BLNK: variants seen among roughly 807,000 people sequenced by gnomAD.
The protein encoded by BLNK is B cell linker, also known as B-cell linker protein.
A neutral mutation model predicts 73.5 loss-of-function variants in BLNK; 29 were observed. That is an observed-to-expected ratio of 0.39 (90% CI 0.29 to 0.54). The LOEUF (loss-of-function observed/expected upper bound fraction) is 0.54. BLNK is among the 20% of genes least tolerant of loss of function. The pLI, the probability that BLNK is intolerant of heterozygous loss-of-function variation, is 0.61. For synonymous variants in BLNK, 176 were observed against 200.8 expected, an observed-to-expected ratio of 0.88 and a Z score of 1.04; for missense variants, 460 against 562.8, an observed-to-expected ratio of 0.82 and a Z score of 1.85.
At chr10:96,216,774 A>C in intron 6 of BLNK, 40 bp from the exon 7 acceptor site, 1 of 1,554,708 alleles carries the variant, frequency 6.4e-7, no homozygotes, top group Admixed American at 1.7e-5. Context: ...AATGCTGTAC[A>C]TTCATAGTTG....
chr10:96,241,558 C>T (rs1842878904), intron 3 of BLNK, among the ~76,000 whole-genome samples: 1 of 152,028 alleles, frequency 6.6e-6, no homozygotes, highest in African/African-American at 2.4e-5. Flanking sequence ...TTTATTACCC[C>T]CACCCCTTCA....
intron 3 of BLNK, chr10:96,238,773 A>C (rs1842786378): frequency 5.3e-6 from 1 of 187,350 alleles, no homozygotes; most frequent in Non-Finnish European, 1.1e-5. Flanking sequence ...TCATCTGGCA[A>C]AGCAATAAGA....
chr10:96,189,584 T>C lies in BLNK; in HGVS notation c.*2389A>G. 1 of 684,030 alleles carries C rather than the reference T, an allele frequency of 1.5e-6. No homozygotes were observed. Among genetic ancestry groups the C allele is most frequent in the Non-Finnish European group, 2.7e-6 (1 of 367,500 alleles). The allele number at this position is 684,030 out of a possible 1,614,324, so 42.4% of individuals were successfully genotyped here. A position where few individuals can be genotyped will look rare whatever the true frequency, so the allele number is the denominator to read the frequency against. On this transcript the variant is annotated 3_prime_UTR_variant, in exon 17 of 17. Transcript: ENST00000224337. ...TGAAGGATTCTTGTCCTTTTAATCT[T>C]GGTGTTGATGATGGGTTTGAGTGTT...
chr10:96,265,923 C>G (rs1843976862), intron 1 of BLNK, among the ~76,000 whole-genome samples: 1 of 152,154 alleles, frequency 6.6e-6, no homozygotes, highest in Non-Finnish European at 1.5e-5. Context: ...CCAGTTGTGA[C>G]AACCAAATGT....
chr10:96,210,573 C>T (rs2083922960), intron 8 of BLNK, among the ~76,000 whole-genome samples: 1 of 152,210 alleles, frequency 6.6e-6, no homozygotes, highest in Admixed American at 6.5e-5. Context: ...CTGCACCCAA[C>T]CTCCCTTCCT....
chr10:96,198,924 C>A (rs1355020844), intron 15 of BLNK, among the ~76,000 whole-genome samples: 3 of 152,196 alleles, frequency 2.0e-5, no homozygotes, highest in Non-Finnish European at 2.9e-5. Flanking sequence ...GTCTCAAACT[C>A]CTGACCTCAA....
At chr10:96,266,682 G>T (rs1448416979) in intron 1 of BLNK, among the ~76,000 whole-genome samples, 1 of 152,204 alleles carries the variant, frequency 6.6e-6, no homozygotes, top group African/African-American at 2.4e-5. Flanking sequence ...GAGGGGATGG[G>T]AAACCAGACG....
intron 4 of BLNK, among the ~76,000 whole-genome samples, 169 bp from the exon 5 acceptor site, chr10:96,227,735 G>A (rs1554902920): frequency 6.6e-6 from 1 of 152,202 alleles, no homozygotes; most frequent in African/African-American, 2.4e-5. Flanking sequence ...GTTTGAAGCA[G>A]GCCTTTCTGC....
intron 1 of BLNK, among the ~76,000 whole-genome samples, chr10:96,261,177 T>A (rs1843741078): frequency 6.6e-6 from 1 of 152,152 alleles, no homozygotes; most frequent in Non-Finnish European, 1.5e-5. Context: ...AAATATATAA[T>A]CGTGGGTCCC....
chr10:96,253,459 A>G (rs1243817657), intron 1 of BLNK, among the ~76,000 whole-genome samples: 1 of 152,322 alleles, frequency 6.6e-6, no homozygotes, highest in East Asian at 1.9e-4. Context: ...CTTGGACCTC[A>G]GGGGCAGAGA....
At chr10:96,225,729 G>C (rs1027893035) in intron 5 of BLNK, among the ~76,000 whole-genome samples, 2 of 150,130 alleles carry the variant, frequency 1.3e-5, no homozygotes, top group Non-Finnish European at 3.0e-5. Context: ...TGCAACCTCC[G>C]CCTCCCGGGT....
intron 1 of BLNK, among the ~76,000 whole-genome samples, chr10:96,264,960 CTTA>C (rs539035133): frequency 2.6e-5 from 4 of 151,606 alleles, no homozygotes; most frequent in Admixed American, 6.6e-5. Context: ...AGAATTTGGC[CTTA>C]TTATTATTAT....
chr10:96,251,070 C>T (rs916456036), intron 1 of BLNK, among the ~76,000 whole-genome samples: 12 of 152,164 alleles, frequency 7.9e-5, no homozygotes, highest in African/African-American at 2.7e-4. Flanking sequence ...TTGAAATATA[C>T]AATAAATTAT....
chr10:96,231,536 G>A (rs756725081), intron 3 of BLNK, among the ~76,000 whole-genome samples: 17 of 152,176 alleles, frequency 1.1e-4, no homozygotes, highest in South Asian at 2.1e-4. Context: ...AGACCAGTCT[G>A]GACAACATGG....
chr10:96,207,784 A>G, intron 10 of BLNK, 88 bp downstream of exon 10: 2 of 1,499,066 alleles, frequency 1.3e-6, no homozygotes, highest in Non-Finnish European at 1.9e-6. Context: ...TGTTCACCAT[A>G]GCTGGAAGCA....
rs1304721659 is a variant in BLNK at position 96,223,999 on chromosome 10, A to C, written c.362-10T>G. 6.2e-7 allele frequency: 1 copy of C among 1,612,426 alleles called. No homozygotes were observed. The highest frequency in any genetic ancestry group is 8.5e-7 in the Non-Finnish European group (1 of 1,180,020). ...TGGCTTGATCGATTGTCTTGAAAGGAACAAACAAAAAACATAACATAAAAG... is the reference window on the plus strand; with the variant it reads ...TGGCTTGATCGATTGTCTTGAAAGGCACAAACAAAAAACATAACATAAAAG... On this transcript the variant is annotated splice_polypyrimidine_tract_variant and intron_variant, in intron 5 of 16. Coordinates refer to ENST00000224337, the MANE Select transcript of BLNK (RefSeq NM_013314.4).
At chr10:96,231,812 T>C (rs147171268) in intron 3 of BLNK, among the ~76,000 whole-genome samples, 1,606 of 150,706 alleles carry the variant, frequency 0.011, 26 homozygotes, top group African/African-American at 0.029. Flanking sequence ...CAAGGTCAGA[T>C]AGTGTAATAA....
intron 15 of BLNK, among the ~76,000 whole-genome samples, chr10:96,198,509 G>A (rs1240608668): frequency 2.0e-5 from 3 of 152,160 alleles, no homozygotes; most frequent in Non-Finnish European, 4.4e-5. Context: ...AGTCTGCAGA[G>A]CCACCAGACT....
intron 10 of BLNK, among the ~76,000 whole-genome samples, chr10:96,207,367 G>T (rs1343239943): frequency 2.0e-5 from 3 of 152,098 alleles, no homozygotes; most frequent in African/African-American, 7.2e-5. Context: ...GCAGGCATCT[G>T]GCATCTGCTT....
Sources: allele counts gnomAD v4.1 joint callset (sites outside exome capture counted in the v4.1 genomes callset), GRCh38; gene constraint gnomAD v4.1.1; transcripts MANE v1.5; gene names NCBI Gene and HGNC (gene_info 2026-07-23, HGNC 2026-07-21).